The following CTIF variants were observed in gnomAD, a reference collection of about 807,000 sequenced individuals.
The protein encoded by CTIF is cap binding complex dependent translation initiation factor, also known as CBP80/20-dependent translation initiation factor.
In CTIF, 21 loss-of-function variants were observed where a neutral mutation model predicts 66.0. The observed-to-expected ratio is 0.32, with a 90% confidence interval of 0.23 to 0.46. The LOEUF is 0.46. Ranked by LOEUF, CTIF falls within the 20% of genes least tolerant of loss-of-function variation. CTIF has a pLI of 1.00. For missense variants in CTIF, 739 were observed against 812.7 expected (o/e 0.91, Z 1.10); for synonymous variants, 345 against 326.4 (o/e 1.06, Z -0.62).
intron 9 of CTIF, among the ~76,000 whole-genome samples, chr18:48,765,904 G>A (rs902092787): frequency 2.8e-5 from 4 of 144,704 alleles, no homozygotes; most frequent in African/African-American, 8.0e-5. Context: ...TTATTAAACA[G>A]ACATTTCTTT....
chr18:48,813,601 C>T (rs2068305025), intron 9 of CTIF, among the ~76,000 whole-genome samples: 1 of 152,210 alleles, frequency 6.6e-6, no homozygotes, highest in Non-Finnish European at 1.5e-5. Flanking sequence ...TTCATGAGCT[C>T]ATCTCAAATC....
At chr18:48,543,694 GCCTAAGGT>G (rs757156855) in intron 1 of CTIF, among the ~76,000 whole-genome samples, 5 of 152,176 alleles carry the variant, frequency 3.3e-5, no homozygotes, top group African/African-American at 4.8e-5. Flanking sequence ...GGAATGACTT[GCCTAAGGT>G]CATGGTGAGC....
At position 48,857,510 on chromosome 18, in the gene CTIF, C is replaced by T. The variant is rs1285451455; in HGVS notation, c.1528-78C>T. 7.4e-6 allele frequency: 10 copies of T among 1,345,314 alleles called. No homozygotes were observed. In the African/African-American group the frequency reaches 8.8e-5, roughly 12 times the overall value. 83.3% of individuals were successfully genotyped at this position (1,345,314 alleles called of 1,614,324 possible). On this transcript the variant is annotated intron_variant, in intron 10 of 11. Transcript: ENST00000256413. The stretch of plus-strand genomic sequence containing the variant: ...CATCAGGGCTGGGGCTGCAGGTCGG[C>T]GGGGGCTGCAGGGAGCTACAGGGCC...
At chr18:48,762,909 A>G (rs886254267) in intron 9 of CTIF, among the ~76,000 whole-genome samples, 17 of 152,150 alleles carry the variant, frequency 1.1e-4, no homozygotes, top group South Asian at 1.0e-3. Context: ...TCTGCATGTG[A>G]GTTGCACTCA....
chr18:48,656,026 C>T (rs1174432424), intron 3 of CTIF, among the ~76,000 whole-genome samples: 1 of 152,234 alleles, frequency 6.6e-6, no homozygotes, highest in Non-Finnish European at 1.5e-5. Flanking sequence ...TCACTCTCAC[C>T]TTGTTGCATT....
intron 1 of CTIF, among the ~76,000 whole-genome samples, chr18:48,591,297 A>G (rs1599200516): frequency 6.6e-6 from 1 of 152,162 alleles, no homozygotes; most frequent in African/African-American, 2.4e-5. Flanking sequence ...TGGATGGGCC[A>G]CCCTCTGATG....
At chr18:48,708,830 G>A (rs537315073) in intron 6 of CTIF, among the ~76,000 whole-genome samples, 6 of 152,326 alleles carry the variant, frequency 3.9e-5, no homozygotes, top group African/African-American at 1.4e-4. Context: ...CATGGCCTGA[G>A]CTTCCCATGC....
intron 10 of CTIF, among the ~76,000 whole-genome samples, chr18:48,851,480 G>A (rs1599165813): frequency 1.3e-5 from 2 of 152,156 alleles, no homozygotes; most frequent in African/African-American, 2.4e-5. Flanking sequence ...CTCTCTCCTC[G>A]GAGGGAGATG....
chr18:48,652,521 C>A (rs937190148), intron 3 of CTIF, among the ~76,000 whole-genome samples: 2 of 152,142 alleles, frequency 1.3e-5, no homozygotes, highest in African/African-American at 4.8e-5. Flanking sequence ...AAGTCCAGGG[C>A]CAGACAGATT....
chr18:48,807,816 A>G (rs1041450402), intron 9 of CTIF, among the ~76,000 whole-genome samples: 2 of 152,140 alleles, frequency 1.3e-5, no homozygotes, highest in Non-Finnish European at 2.9e-5. Context: ...TCCTGGCCTC[A>G]GATGATCTGC....
At chr18:48,738,541 T>A (rs182953903) in intron 7 of CTIF, among the ~76,000 whole-genome samples, 5 of 150,986 alleles carry the variant, frequency 3.3e-5, no homozygotes, top group African/African-American at 7.3e-5. Flanking sequence ...CTGTTCCCCC[T>A]CCCCGGATTG....
chr18:48,717,445 A>T (rs1392805508), intron 7 of CTIF, among the ~76,000 whole-genome samples: 1 of 147,646 alleles, frequency 6.8e-6, no homozygotes, highest in African/African-American at 2.5e-5. Flanking sequence ...AAATAAATAA[A>T]TAATAAGAAT....
At chr18:48,683,658 A>G (rs1190950943) in intron 6 of CTIF, among the ~76,000 whole-genome samples, 2 of 152,110 alleles carry the variant, frequency 1.3e-5, no homozygotes, top group African/African-American at 4.8e-5. Context: ...CTCTGCCTCT[A>G]GCGGTCTAGG....
At chr18:48,725,762 C>A (rs548392373) in intron 7 of CTIF, among the ~76,000 whole-genome samples, 1 of 152,230 alleles carries the variant, frequency 6.6e-6, no homozygotes, top group South Asian at 2.1e-4. Flanking sequence ...GAAGCTCCCA[C>A]GTGTGGGAGG....
At chr18:48,607,311 G>C (rs2090220948) in intron 1 of CTIF, among the ~76,000 whole-genome samples, 1 of 152,210 alleles carries the variant, frequency 6.6e-6, no homozygotes, top group African/African-American at 2.4e-5. Context: ...TCAAGTCTGA[G>C]ATTCCTGTGG....
chr18:48,571,956 G>A (rs4939781), intron 1 of CTIF, among the ~76,000 whole-genome samples: 97,403 of 152,110 alleles, frequency 0.64, 35,078 homozygotes, highest in East Asian at 0.92. Flanking sequence ...TGATATTGCA[G>A]TCTTAAATCC....
At chr18:48,553,240 G>A (rs187431512) in intron 1 of CTIF, among the ~76,000 whole-genome samples, 1 of 152,326 alleles carries the variant, frequency 6.6e-6, no homozygotes, top group Non-Finnish European at 1.5e-5. Context: ...CGTGTGGGGA[G>A]AGGGTTGCTG....
rs2068495342 is a variant in CTIF at position 48,822,076 on chromosome 18, TTCG to T, written c.1527+4702_1527+4704del. Among the ~76,000 whole-genome samples, 3 of 152,260 alleles carry T rather than the reference TTCG, an allele frequency of 2.0e-5. No homozygotes were observed. In the South Asian group the frequency reaches 6.2e-4, roughly 31 times the overall value. Reference sequence around the variant, plus strand: ...CTCATGTAAATGGAATTATGCAGTATTCGTTCTTCTGTGACTGGCTTATTTCAT... The same window carrying T: ...CTCATGTAAATGGAATTATGCAGTATTTCTTCTGTGACTGGCTTATTTCAT... On this transcript the variant is annotated intron_variant, in intron 10 of 11. Coordinates refer to ENST00000256413, the MANE Select transcript of CTIF (RefSeq NM_014772.3).
intron 1 of CTIF, among the ~76,000 whole-genome samples, chr18:48,575,058 C>A (rs955760395): frequency 5.9e-5 from 9 of 152,316 alleles, no homozygotes; most frequent in African/African-American, 2.2e-4. Context: ...CAGTTCCAGA[C>A]ACAGGGAGCC....
Sources: allele counts gnomAD v4.1 joint callset (sites outside exome capture counted in the v4.1 genomes callset), GRCh38; gene constraint gnomAD v4.1.1; transcripts MANE v1.5; gene names NCBI Gene and HGNC (gene_info 2026-07-23, HGNC 2026-07-21).